PCDHGA6: variants seen among roughly 807,000 people sequenced by gnomAD.
PCDHGA6 encodes protocadherin gamma subfamily A, 6, also known as protocadherin gamma-A6.
A neutral mutation model predicts 60.6 loss-of-function variants in PCDHGA6; 41 were observed. The observed-to-expected ratio is 0.68, with a 90% CI of 0.53 to 0.88. PCDHGA6 has a LOEUF of 0.88. Among genes scored for constraint, PCDHGA6 ranks in the 40% least tolerant of loss-of-function variants. The probability of loss-of-function intolerance (pLI) is 0.00; values close to 1 mark genes in which losing one functional copy is unlikely to be tolerated. For synonymous variants in PCDHGA6, 594 were observed against 524.4 expected (o/e 1.13, Z -1.81); for missense variants, 1,312 against 1,203.0 (o/e 1.09, Z -1.34).
chr5:141,447,954 C>T (rs927510517), intron 1 of PCDHGA6, among the ~76,000 whole-genome samples: 11 of 151,814 alleles, frequency 7.2e-5, no homozygotes, highest in Non-Finnish European at 1.2e-4. Flanking sequence ...GGCATGGTGG[C>T]GGACACCTAT....
chr5:141,400,128 G>T, intron 1 of PCDHGA6: 1 of 1,614,080 alleles, frequency 6.2e-7, no homozygotes, highest in Non-Finnish European at 8.5e-7. Context: ...TGCAGGAGGT[G>T]CTGCCGGATA....
chr5:141,399,465 G>A, intron 1 of PCDHGA6: 1 of 1,614,014 alleles, frequency 6.2e-7, no homozygotes, highest in Non-Finnish European at 8.5e-7. Context: ...ATAACGCTCC[G>A]GTTTTCCACC....
chr5:141,384,553 G>C, intron 1 of PCDHGA6: 1 of 1,614,270 alleles, frequency 6.2e-7, no homozygotes, highest in Non-Finnish European at 8.5e-7. Context: ...GAGCCTGTTC[G>C]TGCTGGACCA....
chr5:141,380,966 T>C (rs890558911), intron 1 of PCDHGA6, among the ~76,000 whole-genome samples: 1 of 152,240 alleles, frequency 6.6e-6, no homozygotes, highest in East Asian at 1.9e-4. Flanking sequence ...AAAAGTACTA[T>C]TAAACAAATA....
At chr5:141,436,042 T>A (rs1246680632) in intron 1 of PCDHGA6, among the ~76,000 whole-genome samples, 4 of 152,182 alleles carry the variant, frequency 2.6e-5, no homozygotes, top group Non-Finnish European at 5.9e-5. Context: ...TGTATTTACA[T>A]TAGTTTTCAA....
intron 1 of PCDHGA6, among the ~76,000 whole-genome samples, chr5:141,473,785 A>G (rs1240342191): frequency 6.6e-6 from 1 of 152,226 alleles, no homozygotes; most frequent in Non-Finnish European, 1.5e-5. Context: ...TTAATTCAAG[A>G]GCAGTATGAT....
chr5:141,374,726 A>G lies in PCDHGA6; in HGVS notation c.643A>G (p.Met215Val), dbSNP rs1471530567. 2 of 1,610,526 alleles carry G rather than the reference A, an allele frequency of 1.2e-6. No individual in the cohort carries two copies. Among genetic ancestry groups the G allele is most frequent in the Non-Finnish European group, 8.5e-7 (1 of 1,178,184 alleles). ...CGTTTACCGCCTGGTCCTTACTGCC[A>G]TGGATGGCGGCGACCCTGTCCGCTC... ...EAVYRLVLTAMDGGDPVRSSV... is the reference protein window; with the variant it reads ...EAVYRLVLTAVDGGDPVRSSV... The change falls in exon 1 of 4, where the codon ATG (methionine) becomes GTG (valine). Residue 215 changes from methionine (M) to valine (V), a missense_variant. Transcript: ENST00000517434.
intron 1 of PCDHGA6, chr5:141,441,810 C>T (rs2098275091): frequency 6.4e-5 from 24 of 372,574 alleles, no homozygotes; most frequent in Middle Eastern, 7.2e-4. Flanking sequence ...GGTGCTGTAC[C>T]CCAGCTCTGG....
chr5:141,392,640 A>T, intron 1 of PCDHGA6: 1 of 651,284 alleles, frequency 1.5e-6, no homozygotes, highest in Non-Finnish European at 2.5e-6. Context: ...CTCACACCTC[A>T]CGAAGACCCG....
rs1280755615 is a variant in PCDHGA6, at chr5:141,431,629, A to G, written c.2424+55122A>G. 1 of 1,614,246 alleles carries G rather than the reference A, an allele frequency of 6.2e-7. No individual in the cohort carries two copies. ...GGTATGTGGACGACAAGGCGGCCCA[A>G]GTTTTCAAACTAGATTGTAATTCAG... On this transcript the variant is annotated intron_variant, in intron 1 of 3. Transcript: ENST00000517434. The surrounding 1 kb of genome is among the most constrained non-coding windows in gnomAD (Gnocchi z 4.8).
intron 1 of PCDHGA6, chr5:141,415,385 C>T (rs1388093443): frequency 3.7e-6 from 6 of 1,614,228 alleles, no homozygotes; most frequent in Non-Finnish European, 5.1e-6. Flanking sequence ...GGCGGCTTGA[C>T]AGGTGTGTCC....
At chr5:141,402,037 G>A (rs749684542) in intron 1 of PCDHGA6, among the ~76,000 whole-genome samples, 24 of 152,118 alleles carry the variant, frequency 1.6e-4, no homozygotes, top group Non-Finnish European at 2.9e-4. Flanking sequence ...CACAGTCTGT[G>A]CATGCATTAC....
In PCDHGA6 at chr5:141,375,377, C is replaced by G; in HGVS notation, c.1294C>G (p.Leu432Val). Reference sequence around the variant, plus strand: ...AGCCACGGACAAAGGAACACCACCTCTGTCTACAGAAACAATCATCTCTCT... The same window carrying G: ...AGCCACGGACAAAGGAACACCACCTGTGTCTACAGAAACAATCATCTCTCT... Reference protein sequence around the residue: ...VTATDKGTPPLSTETIISLNV... With the variant: ...VTATDKGTPPVSTETIISLNV... The change falls in exon 1 of 4, where the codon CTG becomes GTG. Residue 432 changes from leucine (L) to valine (V), a missense_variant. By Grantham distance (32) the Leu-to-Val change is conservative. Coordinates refer to ENST00000517434, the MANE Select transcript of PCDHGA6 (RefSeq NM_018919.3). 1 of 1,613,940 alleles carries G rather than the reference C, an allele frequency of 6.2e-7. No individual in the cohort carries two copies. Among genetic ancestry groups the G allele is most frequent in the South Asian group, 1.1e-5 (1 of 91,086 alleles).
intron 1 of PCDHGA6, chr5:141,418,432 T>A: frequency 6.2e-7 from 1 of 1,613,956 alleles, no homozygotes; most frequent in East Asian, 2.2e-5. Context: ...GTGGCAAATA[T>A]CCAGAATTAG....
At chr5:141,482,530 C>CAAAAAA (rs3074545) in intron 1 of PCDHGA6, among the ~76,000 whole-genome samples, 68 of 76,370 alleles carry the variant, frequency 8.9e-4, no homozygotes, top group African/African-American at 1.2e-3. Context: ...GACAGACATG[C>CAAAAAA]AAAAAAAAAA....
chr5:141,474,654 T>C (rs2099352669), intron 1 of PCDHGA6, among the ~76,000 whole-genome samples: 1 of 152,250 alleles, frequency 6.6e-6, no homozygotes, highest in African/African-American at 2.4e-5. Context: ...CTTACTTCTT[T>C]TCTACCTACC....
chr5:141,394,640 C>T (rs1316258017), intron 1 of PCDHGA6: 2 of 1,613,310 alleles, frequency 1.2e-6, no homozygotes, highest in Non-Finnish European at 1.7e-6. Flanking sequence ...ACCGCCTGCT[C>T]AAGGCCAGCG....
chr5:141,419,389 G>C (rs551951411), intron 1 of PCDHGA6: 1 of 1,613,670 alleles, frequency 6.2e-7, no homozygotes, highest in South Asian at 1.1e-5. Context: ...TGAGCGCGCA[G>C]AGCGGGGTGG....
chr5:141,380,273 G>A (rs1174536963), intron 1 of PCDHGA6, among the ~76,000 whole-genome samples: 1 of 152,076 alleles, frequency 6.6e-6, no homozygotes, highest in Admixed American at 6.6e-5. Context: ...AAATCTCAGA[G>A]GAGAAACATT....
Sources: allele counts gnomAD v4.1 joint callset (sites outside exome capture counted in the v4.1 genomes callset), GRCh38; gene constraint gnomAD v4.1.1; non-coding constraint Gnocchi (gnomAD v3.1); transcripts MANE v1.5; gene names NCBI Gene and HGNC (gene_info 2026-07-23, HGNC 2026-07-21).